The following PXDNL variants were observed in gnomAD, a reference collection of about 807,000 sequenced individuals.
The protein encoded by PXDNL is probable oxidoreductase PXDNL.
PXDNL carries 145 observed loss-of-function variants against 150.8 expected under a neutral mutation model. The observed-to-expected ratio is 0.96, with a 90% CI of 0.84 to 1.10. PXDNL has a LOEUF of 1.10. Ranked by LOEUF, PXDNL falls within the 50% of genes least tolerant of loss-of-function variation. The pLI, the probability that PXDNL is intolerant of heterozygous loss-of-function variation, is 0.00. For missense variants in PXDNL, 2,087 were observed against 1,873.9 expected (o/e 1.11, Z -2.10); for synonymous variants, 757 against 725.7 (o/e 1.04, Z -0.69).
rs180759666 is a variant in PXDNL, at chr8:51,419,393, C to T, written c.1795+4182G>A. ...TTCCTCATTACTGTTGTACTATTTT[C>T]ATAACTATTGTTTGAATTCTATCAT... On this transcript the variant is annotated intron_variant, in intron 14 of 22. Transcript: ENST00000356297. 8.5e-3 allele frequency among the ~76,000 whole-genome samples: 1,289 copies of T among 152,206 alleles called. 5 individuals carry two copies. Among genetic ancestry groups the T allele is most frequent in the Middle Eastern group, 0.017 (5 of 294 alleles).
intron 17 of PXDNL, among the ~76,000 whole-genome samples, chr8:51,387,344 G>T (rs1277134435): frequency 6.6e-6 from 1 of 152,168 alleles, no homozygotes; most frequent in African/African-American, 2.4e-5. Flanking sequence ...TTGTTTCCAG[G>T]TGGGCATGCT....
intron 1 of PXDNL, among the ~76,000 whole-genome samples, chr8:51,789,113 T>C (rs1304812328): frequency 6.6e-6 from 1 of 152,144 alleles, no homozygotes; most frequent in African/African-American, 2.4e-5. Context: ...CTACTTTCCC[T>C]ATTCTGTAAG....
At chr8:51,372,981 T>C (rs1200350904) in intron 18 of PXDNL, among the ~76,000 whole-genome samples, 1 of 152,190 alleles carries the variant, frequency 6.6e-6, no homozygotes, top group Non-Finnish European at 1.5e-5. Context: ...GTGCTGAGTA[T>C]AGAGCAGGAA....
At chr8:51,449,236 T>C in intron 10 of PXDNL, 118 bp from the exon 11 acceptor site, 1 of 636,502 alleles carries the variant, frequency 1.6e-6, no homozygotes, top group Non-Finnish European at 2.8e-6. Context: ...TACAATTATA[T>C]ATAAACAAGG....
intron 18 of PXDNL, among the ~76,000 whole-genome samples, chr8:51,374,217 G>A (rs923613989): frequency 2.0e-5 from 3 of 152,150 alleles, no homozygotes; most frequent in African/African-American, 7.2e-5. Context: ...GACGTCCTAT[G>A]GAATAGGTAC....
At chr8:51,513,326 T>C (rs1811465014) in intron 4 of PXDNL, among the ~76,000 whole-genome samples, 1 of 152,162 alleles carries the variant, frequency 6.6e-6, no homozygotes, top group South Asian at 2.1e-4. Context: ...AGGTCAGCAC[T>C]GACATGCCCT....
chr8:51,528,217 A>C (rs528301009), intron 4 of PXDNL, among the ~76,000 whole-genome samples: 105 of 152,334 alleles, frequency 6.9e-4, no homozygotes, highest in African/African-American at 2.4e-3. Context: ...TCAGGGATGC[A>C]GAAAATCAAG....
At chr8:51,333,245 A>G (rs1419293393) in intron 21 of PXDNL, among the ~76,000 whole-genome samples, 2 of 151,736 alleles carry the variant, frequency 1.3e-5, no homozygotes, top group Non-Finnish European at 2.9e-5. Flanking sequence ...ACTAAGCAAC[A>G]TATATGAAGG....
At chr8:51,449,187 G>A in intron 10 of PXDNL, 69 bp from the exon 11 acceptor site, 1 of 796,412 alleles carries the variant, frequency 1.3e-6, no homozygotes, top group Middle Eastern at 2.3e-4. Flanking sequence ...ATAGAAAAAA[G>A]AAAATGTCTT....
intron 1 of PXDNL, among the ~76,000 whole-genome samples, chr8:51,719,649 A>T (rs115239904): frequency 1.3e-5 from 2 of 152,052 alleles, no homozygotes; most frequent in African/African-American, 4.8e-5. Context: ...TAAAAAAAAA[A>T]AAAAAACTAT....
At chr8:51,472,059 G>C in intron 8 of PXDNL, 128 bp downstream of exon 8, 1 of 589,382 alleles carries the variant, frequency 1.7e-6, no homozygotes, top group Non-Finnish European at 3.0e-6. Context: ...AAGTTAAAAG[G>C]CATTTTATCT....
chr8:51,371,814 A>G, intron 19 of PXDNL, 59 bp downstream of exon 19: 1 of 1,410,194 alleles, frequency 7.1e-7, no homozygotes. Context: ...CACTGAAAAC[A>G]ATTCAAGCAT....
intron 1 of PXDNL, among the ~76,000 whole-genome samples, chr8:51,720,350 T>C (rs1210307199): frequency 6.6e-6 from 1 of 152,124 alleles, no homozygotes; most frequent in Non-Finnish European, 1.5e-5. Flanking sequence ...ACTTTGAATA[T>C]GTTTTTGGAA....
intron 2 of PXDNL, among the ~76,000 whole-genome samples, chr8:51,652,170 G>A (rs1815053868): frequency 6.6e-6 from 1 of 152,058 alleles, no homozygotes; most frequent in Non-Finnish European, 1.5e-5. Flanking sequence ...TTGTGATGCT[G>A]TGTTCATATA....
chr8:51,596,855 T>G (rs1280742035), intron 2 of PXDNL, among the ~76,000 whole-genome samples: 3 of 152,194 alleles, frequency 2.0e-5, no homozygotes, highest in Non-Finnish European at 4.4e-5. Context: ...TTCTGTAGGT[T>G]GTCTGTTTAC....
intron 2 of PXDNL, among the ~76,000 whole-genome samples, chr8:51,652,371 G>T (rs966338895): frequency 8.7e-6 from 1 of 114,690 alleles, no homozygotes; most frequent in Non-Finnish European, 1.8e-5. Flanking sequence ...TCATTTTCTA[G>T]ACAGAAATCT....
intron 4 of PXDNL, among the ~76,000 whole-genome samples, 187 bp from the exon 5 acceptor site, chr8:51,499,957 A>C (rs1811148022): frequency 6.6e-6 from 1 of 152,156 alleles, no homozygotes; most frequent in East Asian, 1.9e-4. Context: ...CGGGTCTAAA[A>C]ACCTGATGTT....
At chr8:51,651,222 A>G (rs1187001478) in intron 2 of PXDNL, among the ~76,000 whole-genome samples, 1 of 152,238 alleles carries the variant, frequency 6.6e-6, no homozygotes, top group African/African-American at 2.4e-5. Context: ...TTACCTAGGA[A>G]TAAAGCGTAG....
At chr8:51,485,189 A>G (rs1810701539) in intron 5 of PXDNL, among the ~76,000 whole-genome samples, 1 of 152,138 alleles carries the variant, frequency 6.6e-6, no homozygotes, top group Non-Finnish European at 1.5e-5. Flanking sequence ...GCTGGGGCCA[A>G]ACTATTTCTA....
Sources: allele counts gnomAD v4.1 joint callset (sites outside exome capture counted in the v4.1 genomes callset), GRCh38; gene constraint gnomAD v4.1.1; transcripts MANE v1.5; gene names NCBI Gene and HGNC (gene_info 2026-07-23, HGNC 2026-07-21).